ANXA4: variants seen among roughly 807,000 people sequenced by gnomAD.
The protein encoded by ANXA4 is annexin A4.
Under a neutral mutation model 49.8 loss-of-function variants are expected in ANXA4, and 39 were observed. That is an observed-to-expected ratio of 0.78 (90% confidence interval 0.61 to 1.02). The LOEUF is 1.02. ANXA4 is among the 50% of genes least tolerant of loss of function. ANXA4 has a pLI of 0.00. For missense variants in ANXA4, 360 were observed against 410.1 expected (o/e 0.88, Z 1.05); for synonymous variants, 134 against 152.5 (o/e 0.88, Z 0.89).
At chr2:69,759,159 C>T (rs1671175998) in intron 1 of ANXA4, among the ~76,000 whole-genome samples, 1 of 149,462 alleles carries the variant, frequency 6.7e-6, no homozygotes, top group Non-Finnish European at 1.5e-5. Flanking sequence ...GATTATAATT[C>T]TGAGATAGAA....
intron 2 of ANXA4, among the ~76,000 whole-genome samples, chr2:69,653,638 T>C (rs909583379): frequency 6.6e-6 from 1 of 152,216 alleles, no homozygotes; most frequent in Non-Finnish European, 1.5e-5. Flanking sequence ...AACTCACTTA[T>C]GATTGGACAC....
chr2:69,791,708 C>T (rs1223069222), intron 3 of ANXA4, among the ~76,000 whole-genome samples: 1 of 152,190 alleles, frequency 6.6e-6, no homozygotes, highest in Non-Finnish European at 1.5e-5. Context: ...GAGTCCCATA[C>T]ATTTTTTGGT....
At chr2:69,820,105 C>T (rs1050774539) in intron 11 of ANXA4, among the ~76,000 whole-genome samples, 2 of 150,108 alleles carry the variant, frequency 1.3e-5, no homozygotes, top group Admixed American at 6.6e-5. Context: ...AAAACAACAA[C>T]AACAAAAATG....
At chr2:69,812,460 C>A (rs1286525996) in intron 7 of ANXA4, among the ~76,000 whole-genome samples, 193 bp from the exon 8 acceptor site, 4 of 152,244 alleles carry the variant, frequency 2.6e-5, no homozygotes, top group Non-Finnish European at 2.9e-5. Flanking sequence ...TGAGGCTCAG[C>A]CCTCTAGGCA....
intron 1 of ANXA4, among the ~76,000 whole-genome samples, chr2:69,767,591 A>G (rs1671544111): frequency 6.6e-6 from 1 of 152,222 alleles, no homozygotes; most frequent in Admixed American, 6.5e-5. Flanking sequence ...CTCCCACCAG[A>G]AAGGCCGTAT....
upstream of ANXA4, among the ~76,000 whole-genome samples, chr2:69,741,643 C>A (rs557237929): frequency 2.6e-5 from 4 of 152,228 alleles, no homozygotes; most frequent in African/African-American, 9.6e-5. Context: ...CACGACCTGC[C>A]GTTGGGAGAC....
chr2:69,659,453 C>G (rs1411692360), intron 2 of ANXA4, among the ~76,000 whole-genome samples: 1 of 152,086 alleles, frequency 6.6e-6, no homozygotes, highest in Non-Finnish European at 1.5e-5. Context: ...ATTATCTCTT[C>G]TTTTAGAGAG....
chr2:69,793,510 A>C (rs1672789233), intron 3 of ANXA4, among the ~76,000 whole-genome samples: 1 of 152,154 alleles, frequency 6.6e-6, no homozygotes, highest in Non-Finnish European at 1.5e-5. Context: ...GGCATTACAC[A>C]AGTAACACAT....
At chr2:69,693,302 GGGAGGAAAGT>G (rs1678037790) in intron 2 of ANXA4, among the ~76,000 whole-genome samples, 1 of 152,066 alleles carries the variant, frequency 6.6e-6, no homozygotes. Context: ...AAGCTCCCTG[GGGAGGAAAGT>G]GGATGGAAGG....
At chr2:69,663,044 G>A (rs973339939) in intron 2 of ANXA4, among the ~76,000 whole-genome samples, 2 of 142,062 alleles carry the variant, frequency 1.4e-5, no homozygotes, top group East Asian at 2.0e-4. Context: ...CCAGGCTGGA[G>A]TGCAGTCGCA....
chr2:69,657,533 A>G (rs1158126615), intron 2 of ANXA4, among the ~76,000 whole-genome samples: 6 of 152,188 alleles, frequency 3.9e-5, no homozygotes, highest in African/African-American at 9.7e-5. Context: ...GAAATTTCAC[A>G]TTATTGCTTT....
chr2:69,712,962 A>G (rs1678721523), intron 2 of ANXA4, among the ~76,000 whole-genome samples: 1 of 152,166 alleles, frequency 6.6e-6, no homozygotes, highest in Admixed American at 6.5e-5. Context: ...GATCCCCAAC[A>G]GAGCTCAGAT....
chr2:69,750,084 T>A (rs1359558356), intron 1 of ANXA4, among the ~76,000 whole-genome samples: 2 of 152,216 alleles, frequency 1.3e-5, no homozygotes, highest in Admixed American at 1.3e-4. Flanking sequence ...TTTGTACTAT[T>A]TGAATTTGTT....
At chr2:69,819,599 C>T (rs1674145122) in intron 11 of ANXA4, among the ~76,000 whole-genome samples, 1 of 152,144 alleles carries the variant, frequency 6.6e-6, no homozygotes, top group South Asian at 2.1e-4. Flanking sequence ...CTCCAATTTA[C>T]AGATGAGGAA....
At chr2:69,663,966 G>A (rs563218137) in intron 2 of ANXA4, among the ~76,000 whole-genome samples, 2 of 152,284 alleles carry the variant, frequency 1.3e-5, no homozygotes, top group African/African-American at 2.4e-5. Flanking sequence ...TGAGTACAGT[G>A]CAATGGACAA....
intron 2 of ANXA4, among the ~76,000 whole-genome samples, chr2:69,681,624 G>A (rs1229943621): frequency 1.3e-5 from 2 of 152,042 alleles, no homozygotes; most frequent in East Asian, 3.9e-4. Context: ...GAGCCTCTGT[G>A]CCCGGCCCAT....
At chr2:69,747,574 A>G (rs960810852) in intron 1 of ANXA4, among the ~76,000 whole-genome samples, 1 of 152,142 alleles carries the variant, frequency 6.6e-6, no homozygotes, top group Non-Finnish European at 1.5e-5. Flanking sequence ...ATAAATACAC[A>G]CTTAACATTT....
intron 2 of ANXA4, among the ~76,000 whole-genome samples, chr2:69,702,066 C>T (rs1177517196): frequency 2.0e-5 from 3 of 152,100 alleles, no homozygotes; most frequent in Non-Finnish European, 2.9e-5. Context: ...GGCTGGAATG[C>T]AGTGGCGCGA....
chr2:69,644,689 T>A (rs1041430189), exon 1 of ANXA4: 1 of 152,270 alleles, frequency 6.6e-6, no homozygotes, highest in African/African-American at 2.4e-5. Context: ...TGCTGTCCCT[T>A]AATTCCTCCT....
Sources: allele counts gnomAD v4.1 joint callset (sites outside exome capture counted in the v4.1 genomes callset), GRCh38; gene constraint gnomAD v4.1.1; transcripts MANE v1.5; gene names NCBI Gene and HGNC (gene_info 2026-07-23, HGNC 2026-07-21).